IFIH1: variants seen among roughly 807,000 people sequenced by gnomAD.
The protein encoded by IFIH1 is interferon induced with helicase C domain 1.
IFIH1 carries 125 observed loss-of-function variants against 107.4 expected under a neutral mutation model. The observed-to-expected ratio is 1.16, with a 90% CI of 1.01 to 1.35. The LOEUF is 1.35. IFIH1 is among the 40% of genes most tolerant of loss of function. The pLI, the probability that IFIH1 is intolerant of heterozygous loss-of-function variation, is 0.00. For synonymous variants in IFIH1, 458 were observed against 413.2 expected, an observed-to-expected ratio of 1.11 and a Z score of -1.31; for missense variants, 1,333 against 1,213.7, an observed-to-expected ratio of 1.10 and a Z score of -1.46.
chr2:162,312,428 T>C (rs192097689), intron 1 of IFIH1, among the ~76,000 whole-genome samples: 50 of 152,252 alleles, frequency 3.3e-4, no homozygotes, highest in African/African-American at 1.1e-3. Context: ...ACAGAGATGT[T>C]TAGGTACCTC....
intron 9 of IFIH1, among the ~76,000 whole-genome samples, chr2:162,277,960 T>C (rs1029124602): frequency 6.6e-6 from 1 of 152,146 alleles, no homozygotes; most frequent in African/African-American, 2.4e-5. Flanking sequence ...AGTTTGCCTT[T>C]GGAGACAGAG....
At position 162,317,971 on chromosome 2, in the gene IFIH1, C is replaced by A; in HGVS notation, c.337G>T (p.Glu113Ter). ...PSPSFENAHD[E>*]YLQLLNLLQP... ...AGGAGGTTCAGCAGTTGGAGATATT[C>A]ATCATGAGCGTTCTCAAACGATGGA... Residue 113 changes from glutamate (E) to a stop codon, truncating the protein, a stop_gained, in exon 1 of 16, where the codon GAA becomes TAA. Coordinates refer to ENST00000649979, the MANE Select transcript of IFIH1 (RefSeq NM_022168.4). LOFTEE classifies it high-confidence loss of function. The A allele has an allele frequency of 1.9e-6, 3 of 1,614,202 alleles. No homozygotes were observed. The highest frequency in any genetic ancestry group is 2.5e-6 in the Non-Finnish European group (3 of 1,180,044).
intron 3 of IFIH1, among the ~76,000 whole-genome samples, chr2:162,305,515 A>G (rs1399552406): frequency 6.6e-6 from 1 of 152,182 alleles, no homozygotes; most frequent in East Asian, 1.9e-4. Flanking sequence ...GGATGCAGTG[A>G]GCCAAGAGCA....
chr2:162,298,665 C>T (rs1270768977), intron 3 of IFIH1, among the ~76,000 whole-genome samples: 1 of 152,176 alleles, frequency 6.6e-6, no homozygotes, highest in Non-Finnish European at 1.5e-5. Context: ...TGGGCTTACA[C>T]TCATACTGCT....
chr2:162,316,770 T>C (rs1375810618), intron 1 of IFIH1, among the ~76,000 whole-genome samples: 1 of 152,234 alleles, frequency 6.6e-6, no homozygotes, highest in Non-Finnish European at 1.5e-5. Flanking sequence ...CTTACGAGCC[T>C]GAATAAGTCA....
At chr2:162,317,050 T>A (rs1235247486) in intron 1 of IFIH1, among the ~76,000 whole-genome samples, 3 of 150,978 alleles carry the variant, frequency 2.0e-5, no homozygotes, top group African/African-American at 7.4e-5. Context: ...TGTGTGTGTG[T>A]GATTGCAATT....
chr2:162,269,696 AG>A (rs2105189331), intron 13 of IFIH1, among the ~76,000 whole-genome samples: 1 of 152,292 alleles, frequency 6.6e-6, no homozygotes, highest in East Asian at 1.9e-4. Flanking sequence ...TTTAAGACCG[AG>A]GGAGAAATTT....
intron 13 of IFIH1, 140 bp downstream of exon 13, chr2:162,272,086 C>A: frequency 1.5e-6 from 1 of 679,694 alleles, no homozygotes; most frequent in Non-Finnish European, 2.6e-6. Flanking sequence ...GCATGTGAAT[C>A]TGGATTAAGC....
At chr2:162,315,348 C>T (rs556052812) in intron 1 of IFIH1, among the ~76,000 whole-genome samples, 3 of 152,260 alleles carry the variant, frequency 2.0e-5, no homozygotes, top group Admixed American at 2.0e-4. Context: ...CTACCTAATC[C>T]TAGTTAGGTT....
At chr2:162,287,920 A>G (rs1484754925) in intron 5 of IFIH1, among the ~76,000 whole-genome samples, 1 of 151,988 alleles carries the variant, frequency 6.6e-6, no homozygotes, top group East Asian at 1.9e-4. Flanking sequence ...ATTTGGTATA[A>G]TGTCCTAGTT....
intron 3 of IFIH1, among the ~76,000 whole-genome samples, chr2:162,297,549 G>A (rs899670137): frequency 7.2e-5 from 11 of 152,094 alleles, no homozygotes; most frequent in African/African-American, 2.7e-4. Flanking sequence ...GTTAGACCAA[G>A]AAAATGAAAC....
Position 162,268,206 on chromosome 2 carries a change from G to C in IFIH1, c.2688C>G (p.Tyr896Ter). 1 of 1,612,498 alleles carries C rather than the reference G, an allele frequency of 6.2e-7. No individual in the cohort carries two copies. The highest frequency in any genetic ancestry group is 8.5e-7 in the Non-Finnish European group (1 of 1,178,730). The change falls in exon 14 of 16, where the codon TAC (tyrosine) becomes TAG (stop). Residue 896 changes from tyrosine (Y) to a stop codon, truncating the protein, a stop_gained. Coordinates refer to ENST00000649979, the MANE Select transcript of IFIH1 (RefSeq NM_022168.4). LOFTEE classifies it high-confidence loss of function. ...MKTKRNIAKH[Y>*]KNNPSLITFL... ...AAGTTATTAGTGATGGGTTATTCTTGTAATGCTTGGCAATATTTCTCTTGG... is the reference window on the plus strand; with the variant it reads ...AAGTTATTAGTGATGGGTTATTCTTCTAATGCTTGGCAATATTTCTCTTGG...
At position 162,267,475 on chromosome 2, in the gene IFIH1, T is replaced by A; in HGVS notation, c.2898+4A>T. On this transcript the variant is annotated splice_donor_region_variant and intron_variant, in intron 15 of 15. Coordinates refer to ENST00000649979, the MANE Select transcript of IFIH1 (RefSeq NM_022168.4). ...TAAAATCTGGCCCACAGCAATTTAC[T>A]CACCTGGCCACATTTGCAGATGATT... 6.2e-7 allele frequency: 1 copy of A among 1,613,282 alleles called. No homozygotes were observed. The highest frequency in any genetic ancestry group is 8.5e-7 in the Non-Finnish European group (1 of 1,179,168).
At chr2:162,268,776 G>C (rs530419998) in intron 13 of IFIH1, among the ~76,000 whole-genome samples, 2 of 152,048 alleles carry the variant, frequency 1.3e-5, no homozygotes, top group African/African-American at 4.8e-5. Context: ...TTTTAGTAGA[G>C]ATGGAGTTTT....
Position 162,306,760 on chromosome 2 carries a change from T to C in IFIH1, c.718A>G (p.Met240Val), listed in dbSNP as rs1421036277. 6.2e-7 allele frequency: 1 copy of C among 1,613,848 alleles called. No homozygotes were observed. The highest frequency in any genetic ancestry group is 8.5e-7 in the Non-Finnish European group (1 of 1,179,884). The change falls in exon 3 of 16, where the codon ATG (methionine) becomes GTG (valine). Residue 240 changes from methionine (M) to valine (V), a missense_variant. Transcript: ENST00000649979. ...QPNLEKEVWG[M>V]ENNSSESSFA... Reference sequence around the variant, plus strand: ...GATGATTCTGATGAGTTATTCTCCATGCCCCAGACCTCCTTCTCCAGATTT... The same window carrying C: ...GATGATTCTGATGAGTTATTCTCCACGCCCCAGACCTCCTTCTCCAGATTT...
intron 6 of IFIH1, 70 bp from the exon 7 acceptor site, chr2:162,281,615 A>C: frequency 8.6e-7 from 1 of 1,158,574 alleles, no homozygotes; most frequent in South Asian, 1.4e-5. Flanking sequence ...GCTTTAGACC[A>C]GTAATTGAGC....
chr2:162,282,520 C>A lies in IFIH1; in HGVS notation c.1152G>T (p.Trp384Cys), dbSNP rs199917968. ...CACCACTTAATCCAATAACACGATA[C>A]CATTTCTTCAAAAATGGTTGGAACT... is the stretch of plus-strand genomic sequence containing the variant. ...RKEFQPFLKKWYRVIGLSGDT... is the reference protein window; with the variant it reads ...RKEFQPFLKKCYRVIGLSGDT... Residue 384 changes from tryptophan to cysteine, a missense_variant, in exon 6 of 16, where the codon TGG (tryptophan) becomes TGT (cysteine). Physicochemically the swap from Trp to Cys is radical, Grantham distance 215. Coordinates refer to ENST00000649979, the MANE Select transcript of IFIH1 (RefSeq NM_022168.4). 3 of 1,611,480 alleles carry A rather than the reference C, an allele frequency of 1.9e-6. No homozygotes were observed. Among genetic ancestry groups the A allele is most frequent in the East Asian group, 2.2e-5 (1 of 44,768 alleles).
chr2:162,314,102 C>T (rs1021581202), intron 1 of IFIH1, among the ~76,000 whole-genome samples: 1 of 152,148 alleles, frequency 6.6e-6, no homozygotes, highest in Non-Finnish European at 1.5e-5. Context: ...TATATGATCA[C>T]TTTCGTTCCC....
chr2:162,317,942 C>A lies in IFIH1; in HGVS notation c.366G>T (p.Gln122His). Residue 122 changes from glutamine (Q) to histidine (H), a missense_variant, in exon 1 of 16, where the codon CAG (glutamine) becomes CAT (histidine). Gln to His is a conservative substitution (Grantham distance 24). Coordinates refer to ENST00000649979, the MANE Select transcript of IFIH1 (RefSeq NM_022168.4). ...CTAGAAGCTTGTCCACCAGAGTGGGCTGAAGGAGGTTCAGCAGTTGGAGAT... is the reference window on the plus strand; with the variant it reads ...CTAGAAGCTTGTCCACCAGAGTGGGATGAAGGAGGTTCAGCAGTTGGAGAT... ...DEYLQLLNLL[Q>H]PTLVDKLLVR... The A allele has an allele frequency of 6.2e-7, 1 of 1,614,142 alleles. No individual in the cohort carries two copies. The highest frequency in any genetic ancestry group is 8.5e-7 in the Non-Finnish European group (1 of 1,180,010).
Sources: gnomAD v4.1 joint callset for allele counts (sites outside exome capture counted in the v4.1 genomes callset) on GRCh38, gnomAD v4.1.1 for gene constraint, MANE v1.5 for transcripts, NCBI Gene and HGNC (gene_info 2026-07-23, HGNC 2026-07-21) for gene names.